Variants in TACR1 observed in about 807,000 individuals in gnomAD.
The protein encoded by TACR1 is substance-P receptor.
TACR1 carries 25 observed loss-of-function variants against 35.8 expected under a neutral mutation model. The observed-to-expected ratio is 0.70, with a 90% CI of 0.51 to 0.98. The LOEUF (loss-of-function observed/expected upper bound fraction) is 0.98, where lower values mean the gene tolerates loss of function less well. TACR1 is among the 50% of genes least tolerant of loss of function. The probability of loss-of-function intolerance (pLI) is 0.00; values close to 1 mark genes in which losing one functional copy is unlikely to be tolerated. For missense variants in TACR1, 478 were observed against 522.9 expected (o/e 0.91, Z 0.84); for synonymous variants, 195 against 206.7 (o/e 0.94, Z 0.48).
chr2:75,177,357 G>C (rs1340086994), intron 1 of TACR1, among the ~76,000 whole-genome samples: 1 of 152,112 alleles, frequency 6.6e-6, no homozygotes, highest in Non-Finnish European at 1.5e-5. Flanking sequence ...TCAACTCCCT[G>C]ACTCAGTTTC....
chr2:75,141,989 T>C (rs1293273914), intron 1 of TACR1, among the ~76,000 whole-genome samples: 2 of 152,254 alleles, frequency 1.3e-5, no homozygotes. Flanking sequence ...GAAACATTTA[T>C]TGCACTCTAC....
At chr2:75,171,356 A>G (rs1306553872) in intron 1 of TACR1, among the ~76,000 whole-genome samples, 1 of 152,200 alleles carries the variant, frequency 6.6e-6, no homozygotes, top group Non-Finnish European at 1.5e-5. Context: ...TAGATTTCAG[A>G]GGATGTATGA....
chr2:75,165,663 C>G (rs1675123640), intron 1 of TACR1, among the ~76,000 whole-genome samples: 1 of 152,106 alleles, frequency 6.6e-6, no homozygotes. Context: ...CTGGGAGGGG[C>G]CTTTGACTTC....
Position 75,198,644 on chromosome 2 carries a change from T to C in TACR1, c.291A>G (p.Glu97=). Residue 97 remains glutamate (E), a synonymous_variant, in exon 1 of 5, where the codon GAA becomes GAG. Coordinates refer to ENST00000305249, the MANE Select transcript of TACR1 (RefSeq NM_001058.4). ...TGCAGTAGAACAGGCCGTAGTACCA[T>C]TCGTTGTGGACAGCATAGGTGAAGT... is the stretch of plus-strand genomic sequence containing the variant. ...VVNFTYAVHN[E]WYYGLFYCKF... is the part of the protein sequence containing the mutation. 1 of 1,614,188 alleles carries C rather than the reference T, an allele frequency of 6.2e-7. No homozygotes were observed. Among genetic ancestry groups the C allele is most frequent in the Non-Finnish European group, 8.5e-7 (1 of 1,180,034 alleles).
At chr2:75,143,241 A>G (rs1223671420) in intron 1 of TACR1, among the ~76,000 whole-genome samples, 2 of 152,212 alleles carry the variant, frequency 1.3e-5, no homozygotes, top group African/African-American at 4.8e-5. Flanking sequence ...CCTTGCTGAT[A>G]CTGCTAACAA....
In TACR1 at chr2:75,091,698, G is replaced by A. The variant is rs184616573; in HGVS notation, c.584+28876C>T. Among the ~76,000 whole-genome samples the A allele has an allele frequency of 3.5e-4, 54 of 152,212 alleles. 1 individual carries two copies. In the East Asian group the frequency reaches 0.01, roughly 29 times the overall value. On this transcript the variant is annotated intron_variant, in intron 2 of 4. Transcript: ENST00000305249. ...CTCTTAGCCATGACTGACAGACCTA[G>A]GCACAACAAATGACCTGACGTGAAC...
chr2:75,084,093 T>C (rs1192210532), intron 2 of TACR1, among the ~76,000 whole-genome samples: 1 of 152,234 alleles, frequency 6.6e-6, no homozygotes, highest in African/African-American at 2.4e-5. Flanking sequence ...TATTTTGAGA[T>C]ATGTCCCATC....
At chr2:75,176,519 A>G (rs971936271) in intron 1 of TACR1, among the ~76,000 whole-genome samples, 6 of 152,122 alleles carry the variant, frequency 3.9e-5, no homozygotes, top group Admixed American at 6.5e-5. Flanking sequence ...CAATTCCCTC[A>G]TAATAGATTC....
At chr2:75,148,587 A>C (rs1318749688) in intron 1 of TACR1, among the ~76,000 whole-genome samples, 1 of 152,044 alleles carries the variant, frequency 6.6e-6, no homozygotes, top group Non-Finnish European at 1.5e-5. Context: ...TTTCTTGTAA[A>C]TCTGTTTAAG....
intron 2 of TACR1, among the ~76,000 whole-genome samples, chr2:75,111,794 G>A (rs1283248588): frequency 6.6e-6 from 1 of 151,952 alleles, no homozygotes; most frequent in Non-Finnish European, 1.5e-5. Context: ...AGAAATGTTA[G>A]AAGGTTCATT....
intron 1 of TACR1, chr2:75,188,584 C>A (rs1434005353): frequency 6.6e-6 from 1 of 152,138 alleles, no homozygotes; most frequent in East Asian, 1.9e-4. Flanking sequence ...TTTTTATTAT[C>A]TGAAATAATG....
chr2:75,112,983 A>T (rs947649202), intron 2 of TACR1, among the ~76,000 whole-genome samples: 1 of 152,166 alleles, frequency 6.6e-6, no homozygotes, highest in African/African-American at 2.4e-5. Flanking sequence ...TGTCTTTGTT[A>T]GCTTTCTATA....
chr2:75,077,142 G>A (rs1297407074), intron 2 of TACR1, among the ~76,000 whole-genome samples: 1 of 152,090 alleles, frequency 6.6e-6, no homozygotes, highest in African/African-American at 2.4e-5. Flanking sequence ...GGCTAATTTT[G>A]TATTTTTAGT....
At chr2:75,055,993 C>G (rs951282084) in intron 2 of TACR1, among the ~76,000 whole-genome samples, 1 of 152,244 alleles carries the variant, frequency 6.6e-6, no homozygotes, top group Admixed American at 6.5e-5. Flanking sequence ...TTAAAATGAT[C>G]AGTGCCCAAA....
chr2:75,147,953 A>G (rs1049497630), intron 1 of TACR1, among the ~76,000 whole-genome samples: 1 of 151,934 alleles, frequency 6.6e-6, no homozygotes, highest in African/African-American at 2.4e-5. Context: ...TCAACGTGTT[A>G]GCCAGGATGG....
At chr2:75,052,946 C>T (rs947024819) in intron 3 of TACR1, among the ~76,000 whole-genome samples, 6 of 152,142 alleles carry the variant, frequency 3.9e-5, no homozygotes, top group African/African-American at 1.4e-4. Context: ...TAGCCTCCTC[C>T]AATGATATCA....
At chr2:75,073,476 C>G (rs1200759524) in intron 2 of TACR1, among the ~76,000 whole-genome samples, 1 of 152,126 alleles carries the variant, frequency 6.6e-6, no homozygotes, top group Non-Finnish European at 1.5e-5. Context: ...TTGGAATTGG[C>G]TGGTAAGGTA....
chr2:75,153,904 C>G (rs1674734692), intron 1 of TACR1, among the ~76,000 whole-genome samples: 1 of 152,100 alleles, frequency 6.6e-6, no homozygotes, highest in South Asian at 2.1e-4. Flanking sequence ...AATTTTTTTT[C>G]CTGGAATCAC....
intron 2 of TACR1, among the ~76,000 whole-genome samples, chr2:75,061,744 G>A (rs944329776): frequency 2.0e-4 from 30 of 152,186 alleles, no homozygotes; most frequent in African/African-American, 4.8e-4. Context: ...AAGAACTGGC[G>A]TCACAGGATC....
Sources: gnomAD v4.1 joint callset for allele counts (sites outside exome capture counted in the v4.1 genomes callset) on GRCh38, gnomAD v4.1.1 for gene constraint, MANE v1.5 for transcripts, NCBI Gene and HGNC (gene_info 2026-07-23, HGNC 2026-07-21) for gene names.